CSF2RA: variants seen among roughly 807,000 people sequenced by gnomAD.
CSF2RA encodes the protein colony stimulating factor 2 receptor subunit alpha, also known as granulocyte-macrophage colony-stimulating factor receptor subunit alpha.
CSF2RA carries 42 observed loss-of-function variants against 51.6 expected under a neutral mutation model. That is an observed-to-expected ratio of 0.81 (90% CI 0.64 to 1.05). The LOEUF (loss-of-function observed/expected upper bound fraction) is 1.05. Ranked by LOEUF, CSF2RA falls within the 50% of genes least tolerant of loss-of-function variation. The pLI is 0.00. For missense variants in CSF2RA, 530 were observed against 501.1 expected, an observed-to-expected ratio of 1.06 and a Z score of -0.55; for synonymous variants, 222 against 193.0, an observed-to-expected ratio of 1.15 and a Z score of -1.24.
the CSF2RA span, among the ~76,000 whole-genome samples, chrX:1,324,506 G>A: frequency 4.1e-5 from 5 of 121,344 alleles, no homozygotes; most frequent in African/African-American, 9.3e-5. Context: ...GGGAGGGAAG[G>A]AGGAGGGAAA....
At chrX:1,275,801 G>A (rs1479859386) in intron 2 of CSF2RA, among the ~76,000 whole-genome samples, 1 of 151,532 alleles carries the variant, frequency 6.6e-6, no homozygotes, top group Non-Finnish European at 1.5e-5. Flanking sequence ...TTCGTGATCC[G>A]CCCGCCTCAG....
chrX:1,315,329 T>C (rs1383951880), downstream of CSF2RA, among the ~76,000 whole-genome samples: 2 of 152,080 alleles, frequency 1.3e-5, no homozygotes, highest in Non-Finnish European at 2.9e-5. Context: ...AATAGATGTA[T>C]AGGTAACAGA....
At chrX:1,272,801 CT>C (rs372370857) in intron 1 of CSF2RA, among the ~76,000 whole-genome samples, 37,684 of 139,358 alleles carry the variant, frequency 0.27, 6,081 homozygotes, top group African/African-American at 0.46. Flanking sequence ...TCTTCTTTTT[CT>C]TTTTTTTTTT....
chrX:1,299,726 T>C (rs1459360057), intron 9 of CSF2RA, among the ~76,000 whole-genome samples: 1 of 152,098 alleles, frequency 6.6e-6, no homozygotes, highest in Non-Finnish European at 1.5e-5. Flanking sequence ...AAGACCAGCC[T>C]GGGCAACATG....
At chrX:1,271,158 C>G (rs73175776) in intron 1 of CSF2RA, among the ~76,000 whole-genome samples, 17,740 of 150,874 alleles carry the variant, frequency 0.12, 1,334 homozygotes, top group East Asian at 0.27. Context: ...TGCTAAATCA[C>G]ATTTCACTCT....
intron 2 of CSF2RA, among the ~76,000 whole-genome samples, chrX:1,280,949 T>TCCTCCTCCTCCTCCTC (rs2089897221): frequency 1.0e-4 from 2 of 19,862 alleles, no homozygotes; most frequent in Non-Finnish European, 2.1e-4. Context: ...TCCTCCTGCT[T>TCCTCCTCCTCCTCCTC]CTCCTCCTCC....
chrX:1,314,415 T>TGCCTGCCCAACCAC (rs2084369046), downstream of CSF2RA, among the ~76,000 whole-genome samples: 1 of 29,070 alleles, frequency 3.4e-5, no homozygotes, highest in African/African-American at 1.7e-4. Context: ...TGCCTAACCG[T>TGCCTGCCCAACCAC]ACTGCACCTG....
chrX:1,323,171 AAAATAAAATAAAATATAAAAT>A, the CSF2RA span, among the ~76,000 whole-genome samples: 1 of 151,642 alleles, frequency 6.6e-6, no homozygotes, highest in African/African-American at 2.4e-5. Flanking sequence ...AAAATAAAAT[AAAATAAAATAAAATATAAAAT>A]GGTCTTTGCA....
chrX:1,321,913 G>C, the CSF2RA span, among the ~76,000 whole-genome samples: 1 of 151,858 alleles, frequency 6.6e-6, no homozygotes, highest in Non-Finnish European at 1.5e-5. Flanking sequence ...TGGGTGGATC[G>C]CATCATGAGG....
chrX:1,323,275 A>G, the CSF2RA span, among the ~76,000 whole-genome samples: 1 of 151,222 alleles, frequency 6.6e-6, no homozygotes, highest in Admixed American at 6.6e-5. Flanking sequence ...GCACTTTGGG[A>G]GGCCGAGGCG....
chrX:1,301,057 G>A (rs1415441526), intron 10 of CSF2RA, among the ~76,000 whole-genome samples: 8 of 151,828 alleles, frequency 5.3e-5, no homozygotes, highest in African/African-American at 9.7e-5. Context: ...GGAGGCTGAG[G>A]CAGGAGAATC....
At chrX:1,275,866 T>A (rs1416442307) in intron 2 of CSF2RA, among the ~76,000 whole-genome samples, 1 of 152,080 alleles carries the variant, frequency 6.6e-6, no homozygotes, top group Non-Finnish European at 1.5e-5. Context: ...CCAATTTTTG[T>A]ATTTTTAGTA....
chrX:1,276,924 T>G (rs1433353192), intron 2 of CSF2RA, among the ~76,000 whole-genome samples: 1 of 149,730 alleles, frequency 6.7e-6, no homozygotes. Flanking sequence ...CATGGTGAAA[T>G]GCTATCTCTA....
rs2148479263 is a variant in CSF2RA at position 1,294,183 on chromosome X, C to A, written c.647-145C>A. On this transcript the variant is annotated intron_variant, in intron 7 of 12. Transcript: ENST00000381529. ...TCAAAGAGGTGTCCCTACTCCACCT[C>A]CACCTGGACCCAGTGTAGACAGGAC... 7 of 1,005,780 alleles carry A rather than the reference C, an allele frequency of 7.0e-6. 1 individual carries two copies. Among genetic ancestry groups the A allele is most frequent in the Middle Eastern group, 3.1e-4 (1 of 3,214 alleles). The allele number at this position is 1,005,780 out of a possible 1,614,324, so 62.3% of individuals were successfully genotyped here. A position where few individuals can be genotyped will look rare whatever the true frequency, so the allele number is the denominator to read the frequency against.
downstream of CSF2RA, among the ~76,000 whole-genome samples, chrX:1,314,268 C>CACCTGCCCAACCACTCTGT (rs1569514710): frequency 8.4e-5 from 4 of 47,610 alleles, no homozygotes; most frequent in Admixed American, 4.8e-4. Flanking sequence ...AACCCCACTG[C>CACCTGCCCAACCACTCTGT]GCCTGCCCAA....
In CSF2RA at chrX:1,294,429, G is replaced by A; in HGVS notation, c.748G>A (p.Asp250Asn). 1 of 1,613,944 alleles carries A rather than the reference G, an allele frequency of 6.2e-7. No individual in the cohort carries two copies. Among genetic ancestry groups the A allele is most frequent in the Non-Finnish European group, 8.5e-7 (1 of 1,179,876 alleles). ...GACCTATCAGAAGCTGTCGTACCTG[G>A]ACTTTCAGTACCAGCTGGACGTCCA... ...PRTYQKLSYL[D>N]FQYQLDVHRK... The change falls in exon 8 of 13, where the codon GAC becomes AAC. Residue 250 changes from aspartate to asparagine, a missense_variant. Transcript: ENST00000381529.
the CSF2RA span, among the ~76,000 whole-genome samples, chrX:1,322,271 A>AT: frequency 0.016 from 2,267 of 138,482 alleles, 49 homozygotes; most frequent in African/African-American, 0.049. Flanking sequence ...TCACCCGGCT[A>AT]TTTTTTTTTT....
In CSF2RA at chrX:1,277,094, G is replaced by A. The variant is rs192768438; in HGVS notation, c.-27+2276G>A. 9.5e-4 allele frequency among the ~76,000 whole-genome samples: 142 copies of A among 148,752 alleles called. 1 individual carries two copies. The highest frequency in any genetic ancestry group is 1.7e-3 in the Non-Finnish European group (115 of 66,488). On this transcript the variant is annotated intron_variant, in intron 2 of 12. Transcript: ENST00000381529. Reference sequence around the variant, plus strand: ...AGCCTGGGAGACAGAGCGAGGCTCCGTCTCTAAATAAATAAATAAAGCTTA... The same window carrying A: ...AGCCTGGGAGACAGAGCGAGGCTCCATCTCTAAATAAATAAATAAAGCTTA...
In CSF2RA at chrX:1,306,008, G is replaced by A. The variant is rs1223232447; in HGVS notation, c.1125+481G>A. ...GGGGCAGTAGAACGGCTTGAACCCA[G>A]GGGGCGGAGGTTGCAGTGAGCCGAG... On this transcript the variant is annotated intron_variant, in intron 12 of 12. Transcript: ENST00000381529. The A allele has an allele frequency of 1.3e-5, 7 of 526,564 alleles. No homozygotes were observed. The Admixed American group carries it at 1.6e-4, about 12-fold the overall frequency. 32.6% of individuals were successfully genotyped at this position (526,564 alleles called of 1,614,324 possible). A position where few individuals can be genotyped will look rare whatever the true frequency, so the allele number is the denominator to read the frequency against.
Sources: allele counts gnomAD v4.1 joint callset (sites outside exome capture counted in the v4.1 genomes callset), GRCh38; gene constraint gnomAD v4.1.1; transcripts MANE v1.5; gene names NCBI Gene and HGNC (gene_info 2026-07-23, HGNC 2026-07-21).